The following ZSWIM2 variants were observed in gnomAD, a reference collection of about 807,000 sequenced individuals.
The protein encoded by ZSWIM2 is E3 ubiquitin-protein ligase ZSWIM2.
Under a neutral mutation model 48.4 loss-of-function variants are expected in ZSWIM2, and 38 were observed. The observed-to-expected ratio is 0.79, with a 90% CI of 0.61 to 1.03. The LOEUF is 1.03. Ranked by LOEUF, ZSWIM2 falls within the 50% of genes least tolerant of loss-of-function variation. The probability of loss-of-function intolerance (pLI) is 0.00; values close to 1 mark genes in which losing one functional copy is unlikely to be tolerated. For missense variants in ZSWIM2, 776 were observed against 730.2 expected (o/e 1.06, Z -0.72); for synonymous variants, 240 against 251.3 (o/e 0.96, Z 0.42).
rs1181045312 is a variant in ZSWIM2, at chr2:186,828,802, AG to A, written c.1096-13del. ...CACTTCCTGTGAAACTTTAAAAAAA[AG>A]GTAAGCTAATCAGAACTATACCAAT... On this transcript the variant is annotated splice_polypyrimidine_tract_variant and intron_variant, in intron 8 of 8. Coordinates refer to ENST00000295131, the MANE Select transcript of ZSWIM2 (RefSeq NM_182521.3). The A allele has an allele frequency of 1.4e-6, 2 of 1,412,088 alleles. No individual in the cohort carries two copies. Among genetic ancestry groups the A allele is most frequent in the Admixed American group, 4.6e-5 (2 of 43,890 alleles). The allele number at this position is 1,412,088 out of a possible 1,614,324, so 87.5% of individuals were successfully genotyped here.
chr2:186,847,838 G>T (rs948508484), intron 1 of ZSWIM2, 43 bp from the exon 2 acceptor site: 1 of 1,434,390 alleles, frequency 7.0e-7, no homozygotes, highest in Non-Finnish European at 9.7e-7. Context: ...AGTAAAATTT[G>T]AGAGTTAGAG....
In ZSWIM2 at chr2:186,827,966, T is replaced by G; in HGVS notation, c.*18A>C. 6.6e-7 allele frequency: 1 copy of G among 1,519,672 alleles called. No individual in the cohort carries two copies. The highest frequency in any genetic ancestry group is 8.8e-7 in the Non-Finnish European group (1 of 1,134,380). The allele number at this position is 1,519,672 out of a possible 1,614,324, so 94.1% of individuals were successfully genotyped here. A position where few individuals can be genotyped will look rare whatever the true frequency, so the allele number is the denominator to read the frequency against. On this transcript the variant is annotated 3_prime_UTR_variant, in exon 9 of 9. Coordinates refer to ENST00000295131, the MANE Select transcript of ZSWIM2 (RefSeq NM_182521.3). ...TTTTTATATTCAACATTCAAATATT[T>G]TCAGATAGTAAACTTTTTCACAATT...
At chr2:186,843,655 A>G (rs2105822243) in intron 3 of ZSWIM2, among the ~76,000 whole-genome samples, 1 of 151,576 alleles carries the variant, frequency 6.6e-6, no homozygotes, top group African/African-American at 2.4e-5. Context: ...TGAGGTAGGG[A>G]ATCTAAGAGG....
chr2:186,848,945 G>T (rs1463126434), intron 1 of ZSWIM2, 21 bp downstream of exon 1: 2 of 1,613,454 alleles, frequency 1.2e-6, no homozygotes, highest in East Asian at 2.2e-5. Flanking sequence ...GCCAACTGGG[G>T]GCGGTAGGGG....
At position 186,828,022 on chromosome 2, in the gene ZSWIM2, T is replaced by C. The variant is rs938283105; in HGVS notation, c.1864A>G (p.Thr622Ala). Reference protein sequence around the residue: ...PVSHSVNTKSTELSLIIEGVQ... With the variant: ...PVSHSVNTKSAELSLIIEGVQ... The stretch of plus-strand genomic sequence containing the variant: ...CCTTCTATTATTAAAGATAGCTCAG[T>C]ACTTTTTGTATTTACAGAGTGAGAC... Residue 622 changes from threonine to alanine, a missense_variant, in exon 9 of 9, where the codon ACT (threonine) becomes GCT (alanine). Transcript: ENST00000295131. The C allele has an allele frequency of 6.2e-7, 1 of 1,609,168 alleles. No homozygotes were observed. Among genetic ancestry groups the C allele is most frequent in the Non-Finnish European group, 8.5e-7 (1 of 1,178,386 alleles).
chr2:186,849,147 G>A lies in ZSWIM2; in HGVS notation c.-17C>T. ...GCGAAGCATGCTGGGTGCGGGCGGA[G>A]GCGGCCCCTCTGCTCGGCTCACTGA... is the stretch of plus-strand genomic sequence containing the variant. On this transcript the variant is annotated 5_prime_UTR_variant, in exon 1 of 9. Coordinates refer to ENST00000295131, the MANE Select transcript of ZSWIM2 (RefSeq NM_182521.3). 1 of 1,600,686 alleles carries A rather than the reference G, an allele frequency of 6.2e-7. No homozygotes were observed. The highest frequency in any genetic ancestry group is 8.5e-7 in the Non-Finnish European group (1 of 1,171,634).
Position 186,844,726 on chromosome 2 carries a change from T to A in ZSWIM2, c.274A>T (p.Asn92Tyr). 6.4e-7 allele frequency: 1 copy of A among 1,559,626 alleles called. No homozygotes were observed. Among genetic ancestry groups the A allele is most frequent in the South Asian group, 1.3e-5 (1 of 79,642 alleles). Residue 92 changes from asparagine to tyrosine, a missense_variant, in exon 3 of 9, where the codon AAC becomes TAC. Coordinates refer to ENST00000295131, the MANE Select transcript of ZSWIM2 (RefSeq NM_182521.3). ...VLLKKFKLPR[N>Y]HESALQLGLG... is the part of the protein sequence containing the mutation. ...AAACCCCAAAACTTACATTCATGGT[T>A]CCTTGGAAGCTTGAATTTTTTCAAC...
At chr2:186,830,701 TA>T (rs1652424761) in intron 7 of ZSWIM2, among the ~76,000 whole-genome samples, 2 of 113,514 alleles carry the variant, frequency 1.8e-5, no homozygotes, top group Non-Finnish European at 3.5e-5. Flanking sequence ...ACTATGTTAA[TA>T]GTCTAACTCT....
At chr2:186,833,087 T>C (rs1195888752) in intron 7 of ZSWIM2, 33 bp downstream of exon 7, 3 of 978,878 alleles carry the variant, frequency 3.1e-6, no homozygotes, top group East Asian at 5.4e-5. Flanking sequence ...GATTCTGTCA[T>C]ACAACAAATA....
intron 3 of ZSWIM2, among the ~76,000 whole-genome samples, chr2:186,841,075 G>A (rs945333337): frequency 6.6e-6 from 1 of 151,230 alleles, no homozygotes; most frequent in East Asian, 1.9e-4. Flanking sequence ...ACTAATAAAC[G>A]TTACTATTTG....
chr2:186,833,885 G>C, intron 6 of ZSWIM2, 61 bp downstream of exon 6: 1 of 1,340,732 alleles, frequency 7.5e-7, no homozygotes, highest in Non-Finnish European at 1.1e-6. Flanking sequence ...TTCTTACACT[G>C]ACTTAGCTCT....
intron 5 of ZSWIM2, among the ~76,000 whole-genome samples, chr2:186,835,851 A>G (rs1039643550): frequency 2.0e-5 from 3 of 152,170 alleles, no homozygotes; most frequent in Admixed American, 6.6e-5. Context: ...GACAGAGATG[A>G]GTAATTGTTA....
intron 3 of ZSWIM2, among the ~76,000 whole-genome samples, chr2:186,841,898 A>G (rs1691909389): frequency 6.6e-6 from 1 of 151,324 alleles, no homozygotes; most frequent in Non-Finnish European, 1.5e-5. Flanking sequence ...ATAATTATTT[A>G]ATTCCAAAAA....
intron 6 of ZSWIM2, among the ~76,000 whole-genome samples, 168 bp from the exon 7 acceptor site, chr2:186,833,400 G>A (rs569084341): frequency 1.5e-5 from 2 of 137,212 alleles, no homozygotes; most frequent in African/African-American, 4.9e-5. Context: ...GTCTCATATT[G>A]TATTGCATAG....
At chr2:186,847,588 C>T in intron 2 of ZSWIM2, 131 bp downstream of exon 2, 1 of 510,462 alleles carries the variant, frequency 2.0e-6, no homozygotes, top group East Asian at 3.2e-5. Flanking sequence ...AAGCTATGAC[C>T]ATTTTAACTT....
At chr2:186,836,572 G>C (rs753363259) in intron 5 of ZSWIM2, among the ~76,000 whole-genome samples, 2 of 152,020 alleles carry the variant, frequency 1.3e-5, no homozygotes, top group South Asian at 4.1e-4. Flanking sequence ...TCATCATAAT[G>C]TAATTCAAGA....
Position 186,837,394 on chromosome 2 carries a change from C to G in ZSWIM2, c.655G>C (p.Ala219Pro). The G allele has an allele frequency of 6.2e-7, 1 of 1,612,998 alleles. No homozygotes were observed. The highest frequency in any genetic ancestry group is 1.1e-5 in the South Asian group (1 of 91,064). ...EEFKNSSKLVAAAEKERLDKH... is the reference protein window; with the variant it reads ...EEFKNSSKLVPAAEKERLDKH... ...TCCAGTCTCTCTTTTTCTGCTGCAG[C>G]TACTAGTTTGCTAGAGTTTTTGAAT... Residue 219 changes from alanine to proline, a missense_variant, in exon 5 of 9, where the codon GCT becomes CCT. Ala to Pro is a conservative substitution (Grantham distance 27). Coordinates refer to ENST00000295131, the MANE Select transcript of ZSWIM2 (RefSeq NM_182521.3).
Position 186,837,353 on chromosome 2 carries a change from A to C in ZSWIM2, c.696T>G (p.Ile232Met), listed in dbSNP as rs749945635. The change falls in exon 5 of 9, where the codon ATT becomes ATG. Residue 232 changes from isoleucine to methionine, a missense_variant. By Grantham distance (10) the Ile-to-Met change is conservative (BLOSUM62 1). Coordinates refer to ENST00000295131, the MANE Select transcript of ZSWIM2 (RefSeq NM_182521.3). ...EKERLDKHLG[I>M]PCNNCKQFPI... is the part of the protein sequence containing the mutation. ...GAAACTGTTTGCAGTTATTACAGGG[A>C]ATCCCAAGGTGTTTGTCCAGTCTCT... 19 of 1,612,886 alleles carry C rather than the reference A, an allele frequency of 1.2e-5. No homozygotes were observed. The highest frequency in any genetic ancestry group is 3.3e-5 in the Admixed American group (2 of 59,874).
At chr2:186,831,680 G>A (rs920942673) in intron 7 of ZSWIM2, among the ~76,000 whole-genome samples, 3 of 151,946 alleles carry the variant, frequency 2.0e-5, no homozygotes, top group African/African-American at 7.3e-5. Flanking sequence ...ATACACCATG[G>A]AATACTATGC....
Sources: gnomAD v4.1 joint callset for allele counts (sites outside exome capture counted in the v4.1 genomes callset) on GRCh38, gnomAD v4.1.1 for gene constraint, MANE v1.5 for transcripts, NCBI Gene and HGNC (gene_info 2026-07-23, HGNC 2026-07-21) for gene names.